The following EFNA5 variants were observed in gnomAD, a reference collection of about 807,000 sequenced individuals.
The protein encoded by EFNA5 is ephrin-A5.
EFNA5 carries 5 observed loss-of-function variants against 22.9 expected under a neutral mutation model. The observed-to-expected ratio is 0.22, with a 90% CI of 0.11 to 0.46. The LOEUF is 0.46. Among genes scored for constraint, EFNA5 ranks in the 20% least tolerant of loss-of-function variants. The pLI is 0.99. For synonymous variants in EFNA5, 113 were observed against 112.2 expected, an observed-to-expected ratio of 1.01 and a Z score of -0.04; for missense variants, 237 against 293.3, an observed-to-expected ratio of 0.81 and a Z score of 1.40.
intron 1 of EFNA5, among the ~76,000 whole-genome samples, chr5:107,448,871 A>AAATAAATT (rs776273927): frequency 3.2e-5 from 3 of 94,742 alleles, no homozygotes; most frequent in Non-Finnish European, 7.4e-5. Context: ...ATAAATAAAT[A>AAATAAATT]AAATAAAATA....
At chr5:107,547,441 T>A (rs906941506) in intron 1 of EFNA5, among the ~76,000 whole-genome samples, 4 of 151,988 alleles carry the variant, frequency 2.6e-5, no homozygotes, top group African/African-American at 4.8e-5. Context: ...CATAGTATCC[T>A]CCAAGCTTTG....
chr5:107,439,864 T>C (rs1451079738), intron 1 of EFNA5, among the ~76,000 whole-genome samples: 1 of 152,170 alleles, frequency 6.6e-6, no homozygotes, highest in African/African-American at 2.4e-5. Flanking sequence ...TAAAACAGAA[T>C]ATGCCACCAC....
chr5:107,508,699 T>C (rs965900953), intron 1 of EFNA5, among the ~76,000 whole-genome samples: 2 of 152,212 alleles, frequency 1.3e-5, no homozygotes, highest in Non-Finnish European at 1.5e-5. Context: ...GCTTGAACCA[T>C]CACTATTTTC....
chr5:107,488,846 G>A (rs1349531349), intron 1 of EFNA5, among the ~76,000 whole-genome samples: 2 of 151,526 alleles, frequency 1.3e-5, no homozygotes, highest in Non-Finnish European at 2.9e-5. Context: ...CGAGTGCCAC[G>A]ACGCCTGGCT....
chr5:107,446,061 T>C (rs1487488263), intron 1 of EFNA5, among the ~76,000 whole-genome samples: 2 of 152,194 alleles, frequency 1.3e-5, no homozygotes, highest in Admixed American at 1.3e-4. Context: ...CTACTAACTG[T>C]GTAATCTTGG....
chr5:107,500,336 T>C (rs1747103520), intron 1 of EFNA5, among the ~76,000 whole-genome samples: 1 of 152,242 alleles, frequency 6.6e-6, no homozygotes, highest in African/African-American at 2.4e-5. Context: ...TACGTATATC[T>C]GCTAAAGAAA....
At chr5:107,617,237 C>G (rs182721558) in intron 1 of EFNA5, among the ~76,000 whole-genome samples, 24,920 of 144,134 alleles carry the variant, frequency 0.17, 2,660 homozygotes, top group South Asian at 0.38. Context: ...CACACACACA[C>G]AGAGAGAGAG....
intron 1 of EFNA5, among the ~76,000 whole-genome samples, chr5:107,607,594 G>A (rs1392086247): frequency 6.6e-6 from 1 of 152,064 alleles, no homozygotes; most frequent in African/African-American, 2.4e-5. Context: ...TACTCATCAT[G>A]ACATAGACTA....
chr5:107,410,373 T>C (rs183212390), intron 2 of EFNA5, among the ~76,000 whole-genome samples: 2 of 152,302 alleles, frequency 1.3e-5, no homozygotes, highest in African/African-American at 2.4e-5. Context: ...GGCAAGGATG[T>C]GTTTTTAACT....
intron 1 of EFNA5, among the ~76,000 whole-genome samples, chr5:107,434,627 T>G (rs1561384666): frequency 2.0e-5 from 3 of 152,206 alleles, no homozygotes; most frequent in African/African-American, 7.2e-5. Context: ...GGGAAATATG[T>G]ATGGAGGTAT....
chr5:107,544,238 T>C (rs759131241), intron 1 of EFNA5, among the ~76,000 whole-genome samples: 8 of 152,158 alleles, frequency 5.3e-5, no homozygotes, highest in Non-Finnish European at 1.0e-4. Flanking sequence ...TTCAATCAGA[T>C]AGTTCTGACA....
At chr5:107,433,498 G>A (rs1223950795) in intron 1 of EFNA5, among the ~76,000 whole-genome samples, 1 of 152,198 alleles carries the variant, frequency 6.6e-6, no homozygotes, top group East Asian at 1.9e-4. Flanking sequence ...GATTAGAGCT[G>A]AAAAAGTGTG....
intron 1 of EFNA5, among the ~76,000 whole-genome samples, chr5:107,630,024 C>A (rs1253840660): frequency 6.6e-6 from 1 of 151,332 alleles, no homozygotes; most frequent in Non-Finnish European, 1.5e-5. Context: ...CCACTGCACT[C>A]CAGGCTGAGC....
At chr5:107,572,060 T>C (rs1748824796) in intron 1 of EFNA5, among the ~76,000 whole-genome samples, 1 of 152,052 alleles carries the variant, frequency 6.6e-6, no homozygotes. Context: ...GCCGGGACCT[T>C]AGAGGGCAAA....
At chr5:107,660,096 T>C (rs1258088316) in intron 1 of EFNA5, among the ~76,000 whole-genome samples, 1 of 151,316 alleles carries the variant, frequency 6.6e-6, no homozygotes, top group African/African-American at 2.4e-5. Context: ...GTGTAATTAG[T>C]TTTCATTGTT....
intron 1 of EFNA5, among the ~76,000 whole-genome samples, chr5:107,453,873 T>G (rs111427992): frequency 2.6e-5 from 4 of 152,092 alleles, no homozygotes; most frequent in Admixed American, 1.3e-4. Flanking sequence ...CTCCCCTGAT[T>G]GTGACGGTTT....
rs1019155092 is a variant in EFNA5, at chr5:107,666,321, A to G, written c.125+4168T>C. Among the ~76,000 whole-genome samples the G allele has an allele frequency of 4.5e-3, 685 of 151,934 alleles. 4 individuals carry two copies. The highest frequency in any genetic ancestry group is 0.016 in the African/African-American group (651 of 41,430). On this transcript the variant is annotated intron_variant, in intron 1 of 4. Coordinates refer to ENST00000333274, the MANE Select transcript of EFNA5 (RefSeq NM_001962.3). ...AATACTCAAGGGAATATGATTAGGAAAAAAAAAATGTTACTACTTCTCTCT... is the reference window on the plus strand; with the variant it reads ...AATACTCAAGGGAATATGATTAGGAGAAAAAAAATGTTACTACTTCTCTCT...
At chr5:107,393,624 C>T (rs1747843207) in intron 2 of EFNA5, among the ~76,000 whole-genome samples, 1 of 152,164 alleles carries the variant, frequency 6.6e-6, no homozygotes, top group South Asian at 2.1e-4. Context: ...ATGTTTGCCA[C>T]AGGCAATATT....
intron 1 of EFNA5, among the ~76,000 whole-genome samples, chr5:107,542,568 G>C (rs535668886): frequency 2.1e-4 from 32 of 151,960 alleles, no homozygotes; most frequent in Non-Finnish European, 4.0e-4. Flanking sequence ...GGGGGTGCGG[G>C]GAGGGGGTAG....
Sources: gnomAD v4.1 joint callset for allele counts (sites outside exome capture counted in the v4.1 genomes callset) on GRCh38, gnomAD v4.1.1 for gene constraint, MANE v1.5 for transcripts, NCBI Gene and HGNC (gene_info 2026-07-23, HGNC 2026-07-21) for gene names.